Variants in MERTK observed in about 807,000 individuals in gnomAD.
The protein encoded by MERTK is tyrosine-protein kinase Mer.
MERTK carries 69 observed loss-of-function variants against 99.3 expected under a neutral mutation model. The ratio of observed to expected loss-of-function variants is 0.70; its 90% CI spans 0.57 to 0.85. The LOEUF is 0.85. Ranked by LOEUF, MERTK falls within the 40% of genes least tolerant of loss-of-function variation. The pLI, the probability that MERTK is intolerant of heterozygous loss-of-function variation, is 0.00. For missense variants in MERTK, 1,125 were observed against 1,249.4 expected (o/e 0.90, Z 1.50); for synonymous variants, 426 against 467.6 (o/e 0.91, Z 1.15).
At chr2:111,898,948 G>A in intron 1 of MERTK, 152 bp downstream of exon 1, 1 of 865,820 alleles carries the variant, frequency 1.2e-6, no homozygotes, top group Non-Finnish European at 1.7e-6. Flanking sequence ...AGAGGAGGGG[G>A]CGTAGGCGAA....
intron 2 of MERTK, among the ~76,000 whole-genome samples, chr2:111,937,822 C>A (rs1379170817): frequency 6.6e-6 from 1 of 152,176 alleles, no homozygotes; most frequent in African/African-American, 2.4e-5. Context: ...CTTACCCTGT[C>A]GGCACCATGT....
chr2:111,980,308 T>C (rs1676343317), intron 7 of MERTK, among the ~76,000 whole-genome samples: 1 of 152,158 alleles, frequency 6.6e-6, no homozygotes, highest in South Asian at 2.1e-4. Flanking sequence ...GTTTAGTGGC[T>C]TTCTGCTTCA....
intron 4 of MERTK, among the ~76,000 whole-genome samples, chr2:111,950,464 A>G (rs1685034399): frequency 6.6e-6 from 1 of 152,212 alleles, no homozygotes; most frequent in African/African-American, 2.4e-5. Context: ...TTTTAAAGAA[A>G]CTACCAAATG....
intron 11 of MERTK, among the ~76,000 whole-genome samples, chr2:112,002,123 A>T (rs1248142368): frequency 1.3e-5 from 2 of 152,090 alleles, no homozygotes; most frequent in African/African-American, 4.8e-5. Flanking sequence ...TGTGGTCCAG[A>T]CTGAATCATT....
chr2:111,942,510 T>C (rs1415254670), intron 2 of MERTK, among the ~76,000 whole-genome samples: 1 of 152,064 alleles, frequency 6.6e-6, no homozygotes, highest in Non-Finnish European at 1.5e-5. Flanking sequence ...CAGGAGAGGG[T>C]CAGCCAGCTC....
At chr2:112,019,867 CA>C (rs1343747913) in intron 16 of MERTK, among the ~76,000 whole-genome samples, 1 of 152,192 alleles carries the variant, frequency 6.6e-6, no homozygotes, top group Admixed American at 6.5e-5. Flanking sequence ...TTAAAGACAG[CA>C]GTGAAAATCA....
At chr2:111,974,769 C>CAAAAAAAAAAAAAA (rs35594851) in intron 6 of MERTK, among the ~76,000 whole-genome samples, 15 of 53,322 alleles carry the variant, frequency 2.8e-4, no homozygotes, top group East Asian at 1.6e-3. Context: ...AGGTCCATCT[C>CAAAAAAAAAAAAAA]AAAAAAAAAA....
Position 111,982,967 on chromosome 2 carries a change from C to A in MERTK, c.1270C>A (p.His424Asn). Residue 424 changes from histidine to asparagine, a missense_variant, in exon 8 of 19, where the codon CAC becomes AAC. Transcript: ENST00000295408. The part of the protein sequence containing the change: ...DGELVGYRIS[H>N]VWQSAGISKE... ...AGAACTGGTGGGCTACCGGATATCC[C>A]ACGTGTGGCAGAGTGCAGGGATTTC... is the stretch of plus-strand genomic sequence containing the variant. The A allele has an allele frequency of 6.2e-7, 1 of 1,614,076 alleles. No homozygotes were observed. The highest frequency in any genetic ancestry group is 8.5e-7 in the Non-Finnish European group (1 of 1,180,014).
intron 2 of MERTK, among the ~76,000 whole-genome samples, chr2:111,944,534 G>GTTTTAAGGATTTAT (rs1573589856): frequency 4.2e-5 from 1 of 23,604 alleles, no homozygotes; most frequent in African/African-American, 1.6e-4. Context: ...TAAGGAATTA[G>GTTTTAAGGATTTAT]CTCACACACA....
intron 1 of MERTK, among the ~76,000 whole-genome samples, chr2:111,921,390 C>T (rs1415411271): frequency 1.3e-5 from 2 of 151,970 alleles, no homozygotes; most frequent in Non-Finnish European, 2.9e-5. Context: ...GTCCCTGCTA[C>T]TCAGGAGGCT....
At chr2:111,944,407 C>T (rs1274626076) in intron 2 of MERTK, among the ~76,000 whole-genome samples, 1 of 1,872 alleles carries the variant, frequency 5.3e-4, no homozygotes, top group Non-Finnish European at 7.1e-4. Context: ...ACAGCTTTAT[C>T]TAGAAAGAGA....
intron 1 of MERTK, among the ~76,000 whole-genome samples, chr2:111,922,838 C>A (rs985961410): frequency 1.3e-5 from 2 of 152,370 alleles, no homozygotes; most frequent in South Asian, 4.1e-4. Flanking sequence ...CCTTTGCACA[C>A]TGCATTTGAC....
intron 5 of MERTK, among the ~76,000 whole-genome samples, chr2:111,966,083 T>A (rs1685353795): frequency 6.6e-6 from 1 of 152,212 alleles, no homozygotes; most frequent in Non-Finnish European, 1.5e-5. Context: ...TCCTCCTTAG[T>A]GTGTCATAGA....
intron 2 of MERTK, among the ~76,000 whole-genome samples, chr2:111,943,239 A>G (rs955372474): frequency 6.6e-6 from 1 of 152,226 alleles, no homozygotes; most frequent in Non-Finnish European, 1.5e-5. Context: ...CAGGGAAGCA[A>G]GCTTCTAGGA....
chr2:111,947,547 C>T lies in MERTK; in HGVS notation c.737C>T (p.Pro246Leu), dbSNP rs772266293. The T allele has an allele frequency of 2.5e-6, 4 of 1,614,024 alleles. No homozygotes were observed. The South Asian group carries it at 3.3e-5, about 13-fold the overall frequency. Residue 246 changes from proline to leucine, a missense_variant, in exon 4 of 19, where the codon CCC (proline) becomes CTC (leucine). Physicochemically the swap from Pro to Leu is moderately conservative, Grantham distance 98. Transcript: ENST00000295408. ...GTTAACGAACAGCCTGAAAAATCCC[C>T]CTCCGTGCTAACTGTTCCAGGTAAG... ...SRVNEQPEKS[P>L]SVLTVPGLTE...
At position 111,982,613 on chromosome 2, in the gene MERTK, A is replaced by G. The variant is rs530273899; in HGVS notation, c.1145-229A>G. Among the ~76,000 whole-genome samples, 411 of 152,312 alleles carry G rather than the reference A, an allele frequency of 2.7e-3. 3 individuals carry two copies. Among genetic ancestry groups the G allele is most frequent in the Non-Finnish European group, 4.1e-3 (282 of 68,030 alleles). On this transcript the variant is annotated intron_variant, in intron 7 of 18. Coordinates refer to ENST00000295408, the MANE Select transcript of MERTK (RefSeq NM_006343.3). Reference sequence around the variant, plus strand: ...ATGTTCTGGCTGATATTTTCAACTTAAGAAATGAATTTCTAGGCTTCAGTA... The same window carrying G: ...ATGTTCTGGCTGATATTTTCAACTTGAGAAATGAATTTCTAGGCTTCAGTA...
chr2:111,970,115 T>G (rs1243619731), intron 6 of MERTK, among the ~76,000 whole-genome samples: 2 of 152,070 alleles, frequency 1.3e-5, no homozygotes, highest in Non-Finnish European at 2.9e-5. Flanking sequence ...GTCTTTTTTG[T>G]GATTGATTTT....
At chr2:111,925,292 A>ATATATATTT (rs372747015) in intron 1 of MERTK, among the ~76,000 whole-genome samples, 4 of 24,488 alleles carry the variant, frequency 1.6e-4, no homozygotes, top group African/African-American at 5.7e-4. Context: ...ATATATATAT[A>ATATATATTT]TTTTTTTTTT....
At chr2:112,004,871 C>G (rs916347312) in intron 13 of MERTK, among the ~76,000 whole-genome samples, 3 of 151,932 alleles carry the variant, frequency 2.0e-5, no homozygotes, top group Non-Finnish European at 2.9e-5. Flanking sequence ...CACTGCATTC[C>G]AGCCTGGGTG....
Sources: gnomAD v4.1 joint callset for allele counts (sites outside exome capture counted in the v4.1 genomes callset) on GRCh38, gnomAD v4.1.1 for gene constraint, MANE v1.5 for transcripts, NCBI Gene and HGNC (gene_info 2026-07-23, HGNC 2026-07-21) for gene names.